Variants in SAMMSON observed in about 807,000 individuals in gnomAD.
SAMMSON encodes the protein survival associated mitochondrial melanoma specific oncogenic non-coding RNA, also known as long intergenic non-protein coding RNA 1212.
intron 4 of SAMMSON, among the ~76,000 whole-genome samples, chr3:70,167,468 A>G (rs946806415): frequency 1.3e-5 from 2 of 152,032 alleles, no homozygotes; most frequent in South Asian, 4.1e-4. Context: ...GTAACATAAT[A>G]TATATTTTCA....
chr3:70,028,173 TCC>T (rs1491519737), intron 3 of SAMMSON, among the ~76,000 whole-genome samples: 2,227 of 147,594 alleles, frequency 0.015, 26 homozygotes, highest in East Asian at 0.033. Context: ...CTTCCTTCCT[TCC>T]TTCCTTCCTT....
At chr3:70,378,381 A>G (rs1235890659) in intron 9 of SAMMSON, among the ~76,000 whole-genome samples, 2 of 152,034 alleles carry the variant, frequency 1.3e-5, no homozygotes, top group African/African-American at 4.8e-5. Flanking sequence ...GAATGATTGT[A>G]CTTATATAAA....
At chr3:70,366,492 G>GTTTTTTTTTTTTTTTTTTTTTTTTTT in intron 9 of SAMMSON, among the ~76,000 whole-genome samples, 1 of 100,758 alleles carries the variant, frequency 9.9e-6, no homozygotes, top group Non-Finnish European at 2.1e-5. Flanking sequence ...GTGTTTTTAT[G>GTTTTTTTTTTTTTTTTTTTTTTTTTT]TTTTTTTTTT....
At chr3:70,136,228 C>T (rs777305227) in intron 4 of SAMMSON, among the ~76,000 whole-genome samples, 5 of 152,158 alleles carry the variant, frequency 3.3e-5, no homozygotes, top group Admixed American at 6.5e-5. Flanking sequence ...TCCCCTCCCA[C>T]GCTGAATAGA....
chr3:70,219,684 C>G (rs1266529337), intron 4 of SAMMSON, among the ~76,000 whole-genome samples: 1 of 152,160 alleles, frequency 6.6e-6, no homozygotes, highest in Non-Finnish European at 1.5e-5. Context: ...GAATTAAAAT[C>G]TGCATCAGAA....
intron 4 of SAMMSON, among the ~76,000 whole-genome samples, chr3:70,121,318 T>C (rs1442129073): frequency 6.6e-6 from 1 of 152,154 alleles, no homozygotes; most frequent in Non-Finnish European, 1.5e-5. Flanking sequence ...TGGGGACCCC[T>C]GCTGTAGAAT....
intron 7 of SAMMSON, chr3:70,312,522 T>C (rs1702463271): frequency 6.6e-6 from 1 of 152,256 alleles, no homozygotes; most frequent in Admixed American, 6.5e-5. Context: ...CAATGAGCTC[T>C]GCTTGAATCA....
intron 2 of SAMMSON, among the ~76,000 whole-genome samples, chr3:70,400,263 C>G (rs150745889): frequency 6.6e-6 from 1 of 151,906 alleles, no homozygotes; most frequent in African/African-American, 2.4e-5. Context: ...GAATTTTGAC[C>G]CTGAAGATAT....
intron 4 of SAMMSON, among the ~76,000 whole-genome samples, chr3:70,147,719 T>C (rs550709121): frequency 6.6e-6 from 1 of 152,160 alleles, no homozygotes; most frequent in African/African-American, 2.4e-5. Context: ...GGAGGAAAAC[T>C]TTGTGATCTG....
chr3:70,022,750 A>C (rs2067020976), intron 3 of SAMMSON, among the ~76,000 whole-genome samples: 1 of 152,236 alleles, frequency 6.6e-6, no homozygotes, highest in South Asian at 2.1e-4. Context: ...TTTGGTGCAC[A>C]GCTAAAGGGC....
chr3:70,282,924 G>T (rs530103344), intron 6 of SAMMSON, among the ~76,000 whole-genome samples: 1 of 152,130 alleles, frequency 6.6e-6, no homozygotes, highest in East Asian at 1.9e-4. Context: ...AGTAAAAGGG[G>T]TAATAAAAGA....
intron 4 of SAMMSON, among the ~76,000 whole-genome samples, chr3:70,207,299 C>G (rs999643730): frequency 1.3e-5 from 2 of 152,064 alleles, no homozygotes; most frequent in Admixed American, 6.6e-5. Context: ...TAAGCTCATT[C>G]CTGCTTCTGT....
At chr3:70,403,153 A>T (rs1701154227) in intron 2 of SAMMSON, among the ~76,000 whole-genome samples, 1 of 152,158 alleles carries the variant, frequency 6.6e-6, no homozygotes, top group African/African-American at 2.4e-5. Context: ...GAGCAATGAA[A>T]TCAAATGATG....
chr3:70,255,254 G>A (rs1005357358), intron 6 of SAMMSON, among the ~76,000 whole-genome samples: 2 of 152,086 alleles, frequency 1.3e-5, no homozygotes, highest in African/African-American at 2.4e-5. Flanking sequence ...GTGGACCAAT[G>A]ACACATAAAT....
intron 9 of SAMMSON, among the ~76,000 whole-genome samples, chr3:70,387,035 A>G (rs1385777377): frequency 1.3e-5 from 2 of 152,032 alleles, no homozygotes; most frequent in Non-Finnish European, 2.9e-5. Flanking sequence ...TTAATTCTAA[A>G]TTATTACATA....
At chr3:70,093,303 G>T (rs951953627) in intron 4 of SAMMSON, among the ~76,000 whole-genome samples, 6 of 152,112 alleles carry the variant, frequency 3.9e-5, no homozygotes, top group African/African-American at 1.2e-4. Flanking sequence ...CAGGTTTATG[G>T]GCAACTGTGC....
At chr3:70,276,626 T>A (rs1461273490) in intron 6 of SAMMSON, among the ~76,000 whole-genome samples, 1 of 152,242 alleles carries the variant, frequency 6.6e-6, no homozygotes, top group Non-Finnish European at 1.5e-5. Context: ...TACCTTCTAA[T>A]AATCTAAGGT....
intron 4 of SAMMSON, chr3:70,126,694 G>C (rs1232987204): frequency 1.9e-5 from 5 of 260,014 alleles, no homozygotes; most frequent in African/African-American, 1.1e-4. Flanking sequence ...TAAGAAGTTA[G>C]GTTTTGTTTT....
At chr3:70,078,134 C>T (rs1178164360) in intron 4 of SAMMSON, among the ~76,000 whole-genome samples, 2 of 152,022 alleles carry the variant, frequency 1.3e-5, no homozygotes, top group Non-Finnish European at 2.9e-5. Context: ...GAGTGGTGTT[C>T]CCTTTATTAG....
Sources: allele counts gnomAD v4.1 joint callset (sites outside exome capture counted in the v4.1 genomes callset), GRCh38; gene constraint gnomAD v4.1.1; transcripts MANE v1.5; gene names NCBI Gene and HGNC (gene_info 2026-07-23, HGNC 2026-07-21).